The following KDM2B variants were observed in gnomAD, a reference collection of about 807,000 sequenced individuals.
The protein encoded by KDM2B is lysine-specific demethylase 2B.
A neutral mutation model predicts 150.0 loss-of-function variants in KDM2B; 26 were observed. That is an observed-to-expected ratio of 0.17 (90% confidence interval 0.13 to 0.24). The LOEUF (loss-of-function observed/expected upper bound fraction) is 0.24. Among genes scored for constraint, KDM2B ranks in the 10% least tolerant of loss-of-function variants. KDM2B has a pLI of 1.00. For synonymous variants in KDM2B, 734 were observed against 729.5 expected (o/e 1.01, Z -0.10); for missense variants, 1,265 against 1,816.9 (o/e 0.70, Z 5.52).
chr12:121,580,395 G>A (rs1891880225), intron 1 of KDM2B: 1 of 1,160,104 alleles, frequency 8.6e-7, no homozygotes, highest in African/African-American at 1.6e-5. Flanking sequence ...GAGGTATGGG[G>A]CGGGGAGGGA....
Position 121,513,473 on chromosome 12 carries a change from C to A in KDM2B, c.1048-71G>T, listed in dbSNP as rs1377709432. 6 of 1,552,498 alleles carry A rather than the reference C, an allele frequency of 3.9e-6. No individual in the cohort carries two copies. Among genetic ancestry groups the A allele is most frequent in the Non-Finnish European group, 5.3e-6 (6 of 1,131,288 alleles). On this transcript the variant is annotated intron_variant, in intron 9 of 22. Coordinates refer to ENST00000377071, the MANE Select transcript of KDM2B (RefSeq NM_032590.5). This position sits in a 1 kb window ranked among gnomAD's most constrained non-coding sequence, Gnocchi z 5.0. ...GAAGGGGGAAGGAGGGAGAGAAGTG[C>A]GGGGCAGGCTCCCTGCAGGTGAGGG...
chr12:121,573,202 T>C (rs1249878916), intron 4 of KDM2B, among the ~76,000 whole-genome samples: 6 of 150,888 alleles, frequency 4.0e-5, no homozygotes, highest in Admixed American at 1.3e-4. Context: ...CAAGCAATCC[T>C]CCCGCCTCAG....
At chr12:121,494,554 C>A in intron 12 of KDM2B, 25 bp downstream of exon 12, 1 of 1,597,246 alleles carries the variant, frequency 6.3e-7, no homozygotes, top group East Asian at 2.3e-5. Flanking sequence ...AAGCGGCCGC[C>A]CGCTGCAGGC....
intron 6 of KDM2B, among the ~76,000 whole-genome samples, chr12:121,538,489 G>A (rs1888348362): frequency 6.6e-6 from 1 of 152,070 alleles, no homozygotes; most frequent in Non-Finnish European, 1.5e-5. Context: ...CATCCTCACT[G>A]CTCGGCACTG....
intron 4 of KDM2B, among the ~76,000 whole-genome samples, chr12:121,564,622 C>G (rs1890568167): frequency 6.6e-6 from 1 of 152,022 alleles, no homozygotes; most frequent in African/African-American, 2.4e-5. Flanking sequence ...AAGTCTTCTA[C>G]AAAAACCCTA....
chr12:121,525,450 G>C (rs1356047969), intron 8 of KDM2B, among the ~76,000 whole-genome samples: 1 of 152,026 alleles, frequency 6.6e-6, no homozygotes, highest in Non-Finnish European at 1.5e-5. Context: ...TACCATGTTG[G>C]CCAAGCCGGT....
At chr12:121,554,086 A>ACAC (rs1566411557) in intron 4 of KDM2B, among the ~76,000 whole-genome samples, 3 of 88,360 alleles carry the variant, frequency 3.4e-5, no homozygotes, top group Admixed American at 1.1e-4. Flanking sequence ...CACACACACA[A>ACAC]ATTGGCCAAG....
In KDM2B at chr12:121,520,492, G is replaced by C. The variant is rs530386678; in HGVS notation, c.1047+493C>G. Among the ~76,000 whole-genome samples the C allele has an allele frequency of 6.6e-6, 1 of 152,146 alleles. No individual in the cohort carries two copies. The highest frequency in any genetic ancestry group is 2.4e-5 in the African/African-American group (1 of 41,424). On this transcript the variant is annotated intron_variant, in intron 9 of 22. Coordinates refer to ENST00000377071, the MANE Select transcript of KDM2B (RefSeq NM_032590.5). The surrounding 1 kb of genome is among the most constrained non-coding windows in gnomAD (Gnocchi z 4.5). Reference sequence around the variant, plus strand: ...AGACATGGAGACTACCTCAGAGACAGTACCCAGGGGGACTCAGGCACTGGC... The same window carrying C: ...AGACATGGAGACTACCTCAGAGACACTACCCAGGGGGACTCAGGCACTGGC...
intron 22 of KDM2B, among the ~76,000 whole-genome samples, chr12:121,438,282 C>A (rs1874349660): frequency 6.6e-6 from 1 of 151,232 alleles, no homozygotes; most frequent in Non-Finnish European, 1.5e-5. Context: ...ATGCAGAGAG[C>A]TGTATGCACT....
At chr12:121,493,150 C>T (rs1486124493) in intron 12 of KDM2B, among the ~76,000 whole-genome samples, 1 of 143,724 alleles carries the variant, frequency 7.0e-6, no homozygotes, top group African/African-American at 2.7e-5. Context: ...TCAGGTGATC[C>T]TCCCCCCTCA....
intron 4 of KDM2B, among the ~76,000 whole-genome samples, chr12:121,566,504 T>G (rs1379494610): frequency 6.6e-6 from 1 of 151,574 alleles, no homozygotes; most frequent in Non-Finnish European, 1.5e-5. Flanking sequence ...TGCCTGTAAT[T>G]CCAGCTACTC....
At chr12:121,544,784 G>A (rs1888889655) in intron 6 of KDM2B, among the ~76,000 whole-genome samples, 1 of 148,708 alleles carries the variant, frequency 6.7e-6, no homozygotes, top group Non-Finnish European at 1.5e-5. Flanking sequence ...GTGGTGGTGG[G>A]TGCCTGTAAT....
intron 12 of KDM2B, among the ~76,000 whole-genome samples, chr12:121,466,406 C>A (rs1555294777): frequency 3.9e-5 from 6 of 152,188 alleles, no homozygotes; most frequent in African/African-American, 1.4e-4. Context: ...GTAAACACAC[C>A]CAGGGCTTTG....
intron 12 of KDM2B, among the ~76,000 whole-genome samples, chr12:121,477,345 C>T (rs1356766932): frequency 1.3e-5 from 2 of 151,970 alleles, no homozygotes; most frequent in African/African-American, 4.8e-5. Flanking sequence ...AGCTACCATA[C>T]CTGGCCTGGC....
Position 121,467,325 on chromosome 12 carries a change from G to GGCTCCC in KDM2B, c.1735-13987_1735-13982dup, listed in dbSNP as rs1250471472. ...TGGCTCGGGCTCGGGCTCGGGCTCG[G>GGCTCCC]GCTCCCGCTGCCGCGAGGAGGGAGC... On this transcript the variant is annotated intron_variant, in intron 12 of 22. Coordinates refer to ENST00000377071, the MANE Select transcript of KDM2B (RefSeq NM_032590.5). This position sits in a 1 kb window ranked among gnomAD's most constrained non-coding sequence, Gnocchi z 5.1. 2.0e-6 allele frequency: 2 copies of GGCTCCC among 982,484 alleles called. No homozygotes were observed. Among genetic ancestry groups the GGCTCCC allele is most frequent in the South Asian group, 4.5e-5 (1 of 22,084 alleles). The allele number at this position is 982,484 out of a possible 1,614,324, so 60.9% of individuals were successfully genotyped here.
chr12:121,488,661 GC>G (rs1883027747), intron 12 of KDM2B, among the ~76,000 whole-genome samples: 1 of 152,130 alleles, frequency 6.6e-6, no homozygotes, highest in African/African-American at 2.4e-5. Context: ...TTGCTCTGTT[GC>G]CCAGGCTGGA....
chr12:121,413,129 G>A, the KDM2B span, among the ~76,000 whole-genome samples: 2 of 142,642 alleles, frequency 1.4e-5, no homozygotes, highest in South Asian at 2.2e-4. Flanking sequence ...CGGTTCAAGC[G>A]ATTCTCCTGC....
the KDM2B span, chr12:121,420,636 T>C: frequency 6.2e-7 from 1 of 1,614,072 alleles, no homozygotes; most frequent in Non-Finnish European, 8.5e-7. Context: ...CAAGCCTTGA[T>C]GATGTGGAAG....
Position 121,442,706 on chromosome 12 carries a change from G to C in KDM2B, c.2735C>G (p.Ser912Cys), listed in dbSNP as rs1555288856. ...GCTGGGTCCCGCGGTGGGGGAGCTG[G>C]AGCGGGAGTGGTCGCTCTCCCTGGT... ...PKTRESDHSR[S>C]SSPTAGPSTE... Residue 912 changes from serine to cysteine, a missense_variant, in exon 19 of 23, where the codon TCC becomes TGC. Coordinates refer to ENST00000377071, the MANE Select transcript of KDM2B (RefSeq NM_032590.5). The surrounding 1 kb of genome is among the most constrained non-coding windows in gnomAD (Gnocchi z 7.7). The C allele has an allele frequency of 6.3e-7, 1 of 1,583,954 alleles. No individual in the cohort carries two copies. Among genetic ancestry groups the C allele is most frequent in the Non-Finnish European group, 8.6e-7 (1 of 1,166,906 alleles).
Sources: gnomAD v4.1 joint callset for allele counts (sites outside exome capture counted in the v4.1 genomes callset) on GRCh38, gnomAD v4.1.1 for gene constraint, Gnocchi (gnomAD v3.1) non-coding constraint, MANE v1.5 for transcripts, NCBI Gene and HGNC (gene_info 2026-07-23, HGNC 2026-07-21) for gene names.